Variants in LMO7 observed in about 807,000 individuals in gnomAD.
LMO7 encodes LIM domain 7.
A neutral mutation model predicts 206.5 loss-of-function variants in LMO7; 120 were observed. That is an observed-to-expected ratio of 0.58 (90% confidence interval 0.50 to 0.68). The LOEUF (loss-of-function observed/expected upper bound fraction) is 0.68, where lower values mean the gene tolerates loss of function less well. Ranked by LOEUF, LMO7 falls within the 30% of genes least tolerant of loss-of-function variation. LMO7 has a pLI of 0.00. For missense variants in LMO7, 1,959 were observed against 1,957.9 expected, an observed-to-expected ratio of 1.00 and a Z score of -0.01; for synonymous variants, 706 against 681.5, an observed-to-expected ratio of 1.04 and a Z score of -0.56.
chr13:75,779,537 C>G (rs2051003160), intron 4 of LMO7, among the ~76,000 whole-genome samples: 1 of 152,144 alleles, frequency 6.6e-6, no homozygotes, highest in Middle Eastern at 3.2e-3. Flanking sequence ...TTATATTATT[C>G]ATTTGAAGCC....
intron 1 of LMO7, among the ~76,000 whole-genome samples, chr13:75,679,798 C>A (rs1303953728): frequency 2.0e-5 from 3 of 152,302 alleles, no homozygotes; most frequent in African/African-American, 7.2e-5. Flanking sequence ...CCAGGCTGAT[C>A]TTGAATTCCT....
chr13:75,745,956 A>T (rs2046803563), intron 3 of LMO7, among the ~76,000 whole-genome samples: 2 of 152,180 alleles, frequency 1.3e-5, no homozygotes, highest in African/African-American at 4.8e-5. Context: ...GTGATTCCTT[A>T]TAATAAATCT....
chr13:75,731,756 G>A (rs1162344158), intron 3 of LMO7, among the ~76,000 whole-genome samples: 1 of 152,016 alleles, frequency 6.6e-6, no homozygotes, highest in Non-Finnish European at 1.5e-5. Context: ...ATGATTTTGT[G>A]GCGGCTGGTA....
At chr13:75,635,028 C>CA (rs984451343), upstream of LMO7, among the ~76,000 whole-genome samples, 115 of 135,786 alleles carry the variant, frequency 8.5e-4, no homozygotes, top group East Asian at 7.2e-3. Context: ...CAAAACAAAA[C>CA]AAAACAAAAC....
At chr13:75,658,199 T>C (rs2038236627) in intron 1 of LMO7, among the ~76,000 whole-genome samples, 2 of 152,220 alleles carry the variant, frequency 1.3e-5, no homozygotes, top group African/African-American at 4.8e-5. Context: ...CTCGTTTTTC[T>C]CCTGCTGTAC....
At chr13:75,744,910 G>A (rs140829854) in intron 3 of LMO7, among the ~76,000 whole-genome samples, 28 of 152,274 alleles carry the variant, frequency 1.8e-4, no homozygotes, top group Non-Finnish European at 2.5e-4. Flanking sequence ...GTCAGTTCCC[G>A]TGGAGAGTGC....
intron 1 of LMO7, among the ~76,000 whole-genome samples, chr13:75,645,283 A>AT (rs933455250): frequency 2.0e-5 from 3 of 152,144 alleles, no homozygotes; most frequent in African/African-American, 7.2e-5. Flanking sequence ...CCCTGATAAA[A>AT]TTTTTTTGCC....
rs1176021148 is a variant in LMO7 at position 75,840,439 on chromosome 13, G to A, written c.3526G>A (p.Glu1176Lys). 6.2e-7 allele frequency: 1 copy of A among 1,614,004 alleles called. No individual in the cohort carries two copies. The highest frequency in any genetic ancestry group is 8.5e-7 in the Non-Finnish European group (1 of 1,180,024). Residue 1176 changes from glutamate to lysine, a missense_variant, in exon 22 of 31, where the codon GAG becomes AAG. Physicochemically the swap from Glu to Lys is moderately conservative, Grantham distance 56. Coordinates refer to ENST00000377534, the MANE Select transcript of LMO7 (RefSeq NM_001306080.2). ...SAPSRWVWDQEEERKRQERWQ... is the reference protein window; with the variant it reads ...SAPSRWVWDQKEERKRQERWQ... ...CCCGAGTCGCTGGGTGTGGGATCAA[G>A]AGGAGGAGCGGAAGCGGCAGGAGAG...
In LMO7 at chr13:75,743,457, C is replaced by T. The variant is rs753728219; in HGVS notation, c.210+16359C>T. ...AAGACATGGAATCAACCTAAATGAC[C>T]ATCAATGGTAGACTGGAAAAAGAAA... is the stretch of plus-strand genomic sequence containing the variant. On this transcript the variant is annotated intron_variant, in intron 3 of 30. Coordinates refer to ENST00000377534, the MANE Select transcript of LMO7 (RefSeq NM_001306080.2). 2.1e-4 allele frequency among the ~76,000 whole-genome samples: 32 copies of T among 152,092 alleles called. 1 individual carries two copies. Among genetic ancestry groups the T allele is most frequent in the Non-Finnish European group, 1.5e-4 (10 of 68,016 alleles).
At chr13:75,797,305 C>T (rs1490762923) in intron 6 of LMO7, among the ~76,000 whole-genome samples, 2 of 152,174 alleles carry the variant, frequency 1.3e-5, no homozygotes, top group East Asian at 3.9e-4. Flanking sequence ...TTGTTTTATA[C>T]ACATTTCTAG....
intron 1 of LMO7, among the ~76,000 whole-genome samples, chr13:75,669,923 G>A (rs2039404049): frequency 6.6e-6 from 1 of 152,186 alleles, no homozygotes; most frequent in African/African-American, 2.4e-5. Context: ...TGGTCCCAGT[G>A]CCAAGGGTGT....
intron 28 of LMO7, among the ~76,000 whole-genome samples, 166 bp downstream of exon 28, chr13:75,853,554 C>G (rs1345259029): frequency 6.6e-6 from 1 of 152,152 alleles, no homozygotes; most frequent in African/African-American, 2.4e-5. Context: ...TGCTTAATAC[C>G]ATTCCATGCA....
intron 17 of LMO7, chr13:75,835,030 C>T (rs569491615): frequency 1.5e-4 from 80 of 516,760 alleles, no homozygotes; most frequent in African/African-American, 1.3e-3. Flanking sequence ...TTATTTCACA[C>T]GCTGCCTGAT....
intron 1 of LMO7, among the ~76,000 whole-genome samples, chr13:75,622,722 G>T (rs184616623): frequency 2.0e-5 from 3 of 152,276 alleles, no homozygotes; most frequent in Admixed American, 2.0e-4. Context: ...AATGGGTCTT[G>T]ATTTTCAACA....
rs754601197 is a variant in LMO7 at position 75,823,786 on chromosome 13, C to A, written c.2862C>A (p.Ala954=). 1.2e-6 allele frequency: 2 copies of A among 1,613,942 alleles called. No homozygotes were observed. The highest frequency in any genetic ancestry group is 2.7e-5 in the African/African-American group (2 of 74,900). ...AAGACCAGGCTGCCACTTCTAAAGC[C>A]ACATTGTCTTCCACATCTGGTCTTG... ...LSQDQAATSK[A]TLSSTSGLDL... The change falls in exon 15 of 31, where the codon GCC becomes GCA. Residue 954 remains alanine, a synonymous_variant. Transcript: ENST00000377534.
At chr13:75,831,143 G>A (rs1202928615) in intron 15 of LMO7, among the ~76,000 whole-genome samples, 4 of 152,014 alleles carry the variant, frequency 2.6e-5, no homozygotes, top group Admixed American at 2.6e-4. Flanking sequence ...CTTCAGATTG[G>A]CATTCATCAG....
In LMO7 at chr13:75,807,879, TG is replaced by T. The variant is rs1566507795; in HGVS notation, c.1600del (p.Ala534ProfsTer44). Reference sequence around the variant, plus strand: ...CACAGAAGAAAGAAGTGCCGCTGTCTGGGGCCCCAGATAGATACCACCCAGT... The same window carrying T: ...CACAGAAGAAAGAAGTGCCGCTGTCTGGGCCCCAGATAGATACCACCCAGT... Reference protein sequence around the residue: ...PAQKKEVPLSGAPDRYHPVPF... With the variant: ...PAQKKEVPLSXAPDRYHPVPF... On this transcript the variant is annotated frameshift_variant, in exon 10 of 31. Coordinates refer to ENST00000377534, the MANE Select transcript of LMO7 (RefSeq NM_001306080.2). LOFTEE classifies it high-confidence loss of function. 5.0e-6 allele frequency: 8 copies of T among 1,613,996 alleles called. No individual in the cohort carries two copies. The highest frequency in any genetic ancestry group is 6.8e-6 in the Non-Finnish European group (8 of 1,179,870).
intron 3 of LMO7, among the ~76,000 whole-genome samples, chr13:75,748,455 A>AT (rs1449558467): frequency 6.6e-6 from 1 of 152,166 alleles, no homozygotes; most frequent in African/African-American, 2.4e-5. Context: ...ACTTCACAAC[A>AT]TTTTTTGGTA....
At position 75,805,767 on chromosome 13, in the gene LMO7, C is replaced by A; in HGVS notation, c.1196+7C>A. ...AAGAATTTCAGGGATTCAGGTTTGT[C>A]GTTGTGCATGTTTCTGTCACACCAG... On this transcript the variant is annotated splice_region_variant and intron_variant, in intron 9 of 30. Coordinates refer to ENST00000377534, the MANE Select transcript of LMO7 (RefSeq NM_001306080.2). The A allele has an allele frequency of 6.2e-7, 1 of 1,612,068 alleles. No individual in the cohort carries two copies. Among genetic ancestry groups the A allele is most frequent in the South Asian group, 1.1e-5 (1 of 90,880 alleles).
Sources: allele counts gnomAD v4.1 joint callset (sites outside exome capture counted in the v4.1 genomes callset), GRCh38; gene constraint gnomAD v4.1.1; transcripts MANE v1.5; gene names NCBI Gene and HGNC (gene_info 2026-07-23, HGNC 2026-07-21).